CNTN1: variants seen among roughly 807,000 people sequenced by gnomAD.
CNTN1 encodes the protein contactin 1, also known as contactin-1.
In CNTN1, 38 loss-of-function variants were observed where a neutral mutation model predicts 126.4. That is an observed-to-expected ratio of 0.30 (90% CI 0.23 to 0.39). CNTN1 has a LOEUF of 0.39. CNTN1 is among the 10% of genes least tolerant of loss of function. The probability of loss-of-function intolerance (pLI) is 1.00; values close to 1 mark genes in which losing one functional copy is unlikely to be tolerated. For synonymous variants in CNTN1, 413 were observed against 422.6 expected, an observed-to-expected ratio of 0.98 and a Z score of 0.28; for missense variants, 1,009 against 1,248.4, an observed-to-expected ratio of 0.81 and a Z score of 2.89.
intron 5 of CNTN1, among the ~76,000 whole-genome samples, chr12:40,923,778 G>C (rs1371265066): frequency 2.6e-5 from 4 of 152,150 alleles, no homozygotes; most frequent in Non-Finnish European, 5.9e-5. Context: ...GCCTAGAGAA[G>C]TAGATTTGAA....
intron 17 of CNTN1, 63 bp from the exon 18 acceptor site, chr12:41,014,165 C>T: frequency 6.7e-7 from 1 of 1,496,874 alleles, no homozygotes; most frequent in Non-Finnish European, 9.3e-7. Flanking sequence ...ATTCTAACAC[C>T]AGGAAAAAAA....
chr12:40,708,773 A>G (rs1941835032), intron 1 of CNTN1, among the ~76,000 whole-genome samples: 1 of 152,256 alleles, frequency 6.6e-6, no homozygotes, highest in Non-Finnish European at 1.5e-5. Flanking sequence ...ATTCTATCTC[A>G]AGAACCACTT....
intron 1 of CNTN1, among the ~76,000 whole-genome samples, chr12:40,898,035 T>C (rs993379882): frequency 1.7e-4 from 26 of 152,198 alleles, no homozygotes; most frequent in Admixed American, 1.0e-3. Flanking sequence ...TATTCTCCTT[T>C]CTCTATTGCT....
rs1479500925 is a variant in CNTN1 at position 40,847,570 on chromosome 12, T to C, written c.-76-60787T>C. Among the ~76,000 whole-genome samples, 5 of 152,366 alleles carry C rather than the reference T, an allele frequency of 3.3e-5. No individual in the cohort carries two copies. In the East Asian group the frequency reaches 7.7e-4, roughly 23 times the overall value. ...CTTAATTTGTGTTACTTTCAAATGTTGTGTTCACTATTTATGCAAATTAAA... is the reference window on the plus strand; with the variant it reads ...CTTAATTTGTGTTACTTTCAAATGTCGTGTTCACTATTTATGCAAATTAAA... On this transcript the variant is annotated intron_variant, in intron 1 of 23. Transcript: ENST00000551295.
chr12:40,821,080 C>A (rs2136527234), intron 1 of CNTN1, among the ~76,000 whole-genome samples: 1 of 152,218 alleles, frequency 6.6e-6, no homozygotes, highest in Middle Eastern at 3.4e-3. Context: ...CTAAAATAAC[C>A]AAGAGTGTAC....
At position 40,929,889 on chromosome 12, in the gene CNTN1, A is replaced by G; in HGVS notation, c.590A>G (p.Tyr197Cys). The stretch of plus-strand genomic sequence containing the variant: ...GTGTCTCAGACAAATGGCAATCTCT[A>G]CATTGCAAATGTTGAGGCTTCCGAC... The part of the protein sequence containing the change: ...RFVSQTNGNL[Y>C]IANVEASDKG... The change falls in exon 7 of 24, where the codon TAC (tyrosine) becomes TGC (cysteine). Residue 197 changes from tyrosine (Y) to cysteine (C), a missense_variant. Physicochemically the swap from Tyr to Cys is radical, Grantham distance 194. Coordinates refer to ENST00000551295, the MANE Select transcript of CNTN1 (RefSeq NM_001843.4). 1 of 1,612,808 alleles carries G rather than the reference A, an allele frequency of 6.2e-7. No individual in the cohort carries two copies. The highest frequency in any genetic ancestry group is 8.5e-7 in the Non-Finnish European group (1 of 1,179,100).
Position 41,070,070 on chromosome 12 carries a change from C to T in CNTN1, c.*35C>T. 2 of 1,578,974 alleles carry T rather than the reference C, an allele frequency of 1.3e-6. No individual in the cohort carries two copies. Among genetic ancestry groups the T allele is most frequent in the Middle Eastern group, 1.7e-4 (1 of 6,006 alleles). ...GACAGCTGCTGTTCCCATCCCAGCT[C>T]AGAAGACACCCTTCAACCCTGGGAT... On this transcript the variant is annotated 3_prime_UTR_variant, in exon 24 of 24. Coordinates refer to ENST00000551295, the MANE Select transcript of CNTN1 (RefSeq NM_001843.4).
chr12:40,877,261 C>T (rs1027354962), intron 1 of CNTN1, among the ~76,000 whole-genome samples: 3 of 152,108 alleles, frequency 2.0e-5, no homozygotes, highest in Non-Finnish European at 2.9e-5. Context: ...CCTGAGTTTC[C>T]TTGAATTGCA....
intron 1 of CNTN1, among the ~76,000 whole-genome samples, chr12:40,863,703 A>G (rs932207849): frequency 6.6e-6 from 1 of 152,108 alleles, no homozygotes; most frequent in African/African-American, 2.4e-5. Flanking sequence ...ACCCTATTAT[A>G]AACTGTGTAT....
intron 4 of CNTN1, among the ~76,000 whole-genome samples, chr12:40,921,917 A>G (rs765487911): frequency 2.6e-5 from 4 of 152,220 alleles, no homozygotes; most frequent in Non-Finnish European, 5.9e-5. Flanking sequence ...CTGCATATGT[A>G]TGAATCTAAC....
At position 40,933,525 on chromosome 12, in the gene CNTN1, C is replaced by G. The variant is rs1342977564; in HGVS notation, c.768C>G (p.Gly256=). 10 of 1,611,350 alleles carry G rather than the reference C, an allele frequency of 6.2e-6. No individual in the cohort carries two copies. The highest frequency in any genetic ancestry group is 7.6e-6 in the Non-Finnish European group (9 of 1,178,038). ...TCAAGGATGTATATGCATTGATGGG[C>G]CAAAATGTGACCTTAGAATGTTTTG... The part of the protein sequence containing the change: ...VQFKDVYALM[G]QNVTLECFAL... The change falls in exon 8 of 24, where the codon GGC becomes GGG. Residue 256 remains glycine, a synonymous_variant. Transcript: ENST00000551295.
intron 1 of CNTN1, among the ~76,000 whole-genome samples, chr12:40,894,450 G>A (rs1258073544): frequency 6.6e-6 from 1 of 152,080 alleles, no homozygotes; most frequent in Non-Finnish European, 1.5e-5. Context: ...CTACAGTAAC[G>A]CAAAATGTTA....
At chr12:40,990,453 C>T (rs554939049) in intron 16 of CNTN1, among the ~76,000 whole-genome samples, 5 of 152,174 alleles carry the variant, frequency 3.3e-5, no homozygotes, top group East Asian at 3.9e-4. Flanking sequence ...AGTCTGGTTG[C>T]TTATTCTTCC....
chr12:40,831,615 G>A (rs1308782036), intron 1 of CNTN1, among the ~76,000 whole-genome samples: 2 of 152,072 alleles, frequency 1.3e-5, no homozygotes, highest in Non-Finnish European at 2.9e-5. Context: ...TGACTCTGAG[G>A]AGTGCCTCAG....
chr12:41,011,372 A>C (rs1419690289), intron 17 of CNTN1, among the ~76,000 whole-genome samples: 1 of 152,232 alleles, frequency 6.6e-6, no homozygotes. Context: ...GGATCAAAGG[A>C]GTCCCTGTGC....
At chr12:41,002,933 C>T (rs1300312913) in intron 17 of CNTN1, among the ~76,000 whole-genome samples, 1 of 152,050 alleles carries the variant, frequency 6.6e-6, no homozygotes, top group East Asian at 1.9e-4. Context: ...TGTGTATGTC[C>T]TTTATTTCTC....
chr12:41,045,064 T>C (rs191804182), intron 23 of CNTN1, among the ~76,000 whole-genome samples: 213 of 152,198 alleles, frequency 1.4e-3, no homozygotes, highest in Middle Eastern at 0.01. Flanking sequence ...TTTCTATGAA[T>C]GTTGATTTAC....
intron 1 of CNTN1, among the ~76,000 whole-genome samples, chr12:40,737,485 C>G (rs1592030573): frequency 6.6e-6 from 1 of 150,884 alleles, no homozygotes; most frequent in Non-Finnish European, 1.5e-5. Flanking sequence ...ACTGAAGAAC[C>G]TGGAGTCCGA....
At chr12:40,749,973 C>T (rs1938342031) in intron 1 of CNTN1, among the ~76,000 whole-genome samples, 1 of 151,872 alleles carries the variant, frequency 6.6e-6, no homozygotes, top group South Asian at 2.1e-4. Flanking sequence ...CCTACTAGTC[C>T]CTATAAGATG....
Sources: allele counts gnomAD v4.1 joint callset (sites outside exome capture counted in the v4.1 genomes callset), GRCh38; gene constraint gnomAD v4.1.1; transcripts MANE v1.5; gene names NCBI Gene and HGNC (gene_info 2026-07-23, HGNC 2026-07-21).